PACRG: variants seen among roughly 807,000 people sequenced by gnomAD.
PACRG encodes parkin coregulated gene protein.
PACRG carries 29 observed loss-of-function variants against 29.7 expected under a neutral mutation model. That is an observed-to-expected ratio of 0.98 (90% CI 0.73 to 1.33). The LOEUF is 1.33. Ranked by LOEUF, PACRG falls within the 40% of genes most tolerant of loss-of-function variation. The pLI is 0.00. For synonymous variants in PACRG, 116 were observed against 118.7 expected (o/e 0.98, Z 0.15); for missense variants, 279 against 316.2 (o/e 0.88, Z 0.89).
chr6:162,874,396 C>G (rs1039685104), intron 2 of PACRG, among the ~76,000 whole-genome samples: 3 of 151,990 alleles, frequency 2.0e-5, no homozygotes, highest in Non-Finnish European at 4.4e-5. Flanking sequence ...GCTTAGGTGC[C>G]TGGATCCACA....
At chr6:163,155,503 G>C (rs983423662) in intron 4 of PACRG, among the ~76,000 whole-genome samples, 4 of 152,232 alleles carry the variant, frequency 2.6e-5, no homozygotes, top group African/African-American at 9.6e-5. Flanking sequence ...AGGCCCTATT[G>C]GCTAATGGTT....
chr6:163,236,660 T>C (rs1341495414), intron 4 of PACRG, among the ~76,000 whole-genome samples: 1 of 152,130 alleles, frequency 6.6e-6, no homozygotes, highest in Non-Finnish European at 1.5e-5. Context: ...CAAGAAGAGG[T>C]GGAGACTGTG....
At chr6:163,302,282 C>G (rs1785035834) in intron 4 of PACRG, among the ~76,000 whole-genome samples, 1 of 149,460 alleles carries the variant, frequency 6.7e-6, no homozygotes, top group Non-Finnish European at 1.5e-5. Flanking sequence ...AAGATGTGGC[C>G]AAAACTTTGA....
At chr6:162,885,398 T>C (rs567252135) in intron 2 of PACRG, among the ~76,000 whole-genome samples, 43 of 152,168 alleles carry the variant, frequency 2.8e-4, no homozygotes, top group African/African-American at 9.9e-4. Context: ...GCCTCCCAAG[T>C]AGCTGGGATT....
intron 4 of PACRG, among the ~76,000 whole-genome samples, chr6:163,302,408 T>TAA (rs1785039868): frequency 6.6e-6 from 1 of 152,230 alleles, no homozygotes; most frequent in African/African-American, 2.4e-5. Flanking sequence ...CACATTTAAC[T>TAA]CACCAGTGTA....
intron 4 of PACRG, among the ~76,000 whole-genome samples, chr6:163,269,331 C>T (rs76807460): frequency 6.6e-6 from 1 of 152,286 alleles, no homozygotes; most frequent in Non-Finnish European, 1.5e-5. Flanking sequence ...CCAACTTAGG[C>T]CAGCTGGGCT....
At chr6:162,795,557 A>C (rs71567671) in intron 1 of PACRG, among the ~76,000 whole-genome samples, 13,149 of 151,626 alleles carry the variant, frequency 0.087, 913 homozygotes, top group South Asian at 0.24. Flanking sequence ...TTTTTTGGAG[A>C]TTTCCTGACT....
At chr6:163,259,746 C>T (rs558478711) in intron 4 of PACRG, among the ~76,000 whole-genome samples, 1 of 152,310 alleles carries the variant, frequency 6.6e-6, no homozygotes, top group East Asian at 1.9e-4. Flanking sequence ...GTTCCCTCAC[C>T]CAGGTCTTTC....
At chr6:163,291,752 G>A (rs1375628504) in intron 4 of PACRG, among the ~76,000 whole-genome samples, 1 of 152,220 alleles carries the variant, frequency 6.6e-6, no homozygotes, top group African/African-American at 2.4e-5. Flanking sequence ...CAGAGATCAA[G>A]GCACCTTCAC....
intron 3 of PACRG, among the ~76,000 whole-genome samples, chr6:163,062,568 C>A (rs895329522): frequency 6.6e-6 from 1 of 152,152 alleles, no homozygotes; most frequent in Non-Finnish European, 1.5e-5. Flanking sequence ...AAATGCCTCA[C>A]AGTAATGACA....
chr6:162,912,250 G>T (rs1385560949), intron 2 of PACRG, among the ~76,000 whole-genome samples: 1 of 152,174 alleles, frequency 6.6e-6, no homozygotes, highest in South Asian at 2.1e-4. Context: ...TCAACTTCCA[G>T]GTTGCCTCCA....
rs2137879 is a variant in PACRG at position 162,883,712 on chromosome 6, G to A, written c.291+69431G>A. 3.0e-3 allele frequency among the ~76,000 whole-genome samples: 448 copies of A among 149,958 alleles called. 1 individual carries two copies. Among genetic ancestry groups the A allele is most frequent in the African/African-American group, 9.4e-3 (383 of 40,554 alleles). ...TGTGTGTGTGTGTGTGTGTGTGTGT[G>A]TGTATGTATGTATATATCTGCATAC... On this transcript the variant is annotated intron_variant, in intron 2 of 4. Coordinates refer to ENST00000366888, the MANE Select transcript of PACRG (RefSeq NM_001080379.2).
At chr6:162,984,893 GGAT>G (rs1802749896) in intron 2 of PACRG, among the ~76,000 whole-genome samples, 1 of 151,006 alleles carries the variant, frequency 6.6e-6, no homozygotes, top group Middle Eastern at 3.4e-3. Flanking sequence ...TTTGAGTTGT[GGAT>G]TCTGGATATT....
intron 1 of PACRG, among the ~76,000 whole-genome samples, chr6:162,747,610 C>T (rs1022928326): frequency 1.3e-5 from 2 of 150,096 alleles, no homozygotes; most frequent in Non-Finnish European, 3.0e-5. Flanking sequence ...TAGTGACCTA[C>T]GTAGTACAAA....
chr6:162,968,706 A>G (rs1398211377), intron 2 of PACRG, among the ~76,000 whole-genome samples: 1 of 152,184 alleles, frequency 6.6e-6, no homozygotes, highest in African/African-American at 2.4e-5. Flanking sequence ...ATAATATTCA[A>G]AGAAAAGAAA....
At chr6:162,946,534 C>T (rs1437029340) in intron 2 of PACRG, among the ~76,000 whole-genome samples, 2 of 151,996 alleles carry the variant, frequency 1.3e-5, no homozygotes, top group Non-Finnish European at 2.9e-5. Context: ...GCACCTGAGG[C>T]TTTACTGCCA....
chr6:163,061,417 C>T (rs1469159873), intron 2 of PACRG, among the ~76,000 whole-genome samples: 1 of 152,204 alleles, frequency 6.6e-6, no homozygotes, highest in Non-Finnish European at 1.5e-5. Flanking sequence ...CTGGATGCTA[C>T]TGCCAAGGTC....
intron 2 of PACRG, among the ~76,000 whole-genome samples, chr6:162,938,871 CATTT>C (rs1229033147): frequency 4.6e-5 from 7 of 151,948 alleles, no homozygotes; most frequent in Non-Finnish European, 7.4e-5. Flanking sequence ...CTTGCTAATT[CATTT>C]GAGTTCTTTG....
At chr6:163,091,592 T>G (rs563410595) in intron 4 of PACRG, among the ~76,000 whole-genome samples, 17 of 152,304 alleles carry the variant, frequency 1.1e-4, no homozygotes, top group African/African-American at 3.6e-4. Flanking sequence ...TCTACTTATC[T>G]TAGAAACCTG....
Sources: gnomAD v4.1 joint callset for allele counts (sites outside exome capture counted in the v4.1 genomes callset) on GRCh38, gnomAD v4.1.1 for gene constraint, MANE v1.5 for transcripts, NCBI Gene and HGNC (gene_info 2026-07-23, HGNC 2026-07-21) for gene names.